Variants in WWP1 observed in about 807,000 individuals in gnomAD.
The protein encoded by WWP1 is WW domain containing E3 ubiquitin protein ligase 1, also known as NEDD4-like E3 ubiquitin-protein ligase WWP1.
WWP1 carries 49 observed loss-of-function variants against 130.6 expected under a neutral mutation model. The observed-to-expected ratio is 0.38, with a 90% CI of 0.30 to 0.48. The LOEUF (loss-of-function observed/expected upper bound fraction) is 0.48, where lower values mean the gene tolerates loss of function less well. WWP1 is among the 20% of genes least tolerant of loss of function. The probability of loss-of-function intolerance (pLI) is 0.99; values close to 1 mark genes in which losing one functional copy is unlikely to be tolerated. For missense variants in WWP1, 809 were observed against 1,100.6 expected (o/e 0.74, Z 3.75); for synonymous variants, 332 against 367.8 (o/e 0.90, Z 1.11).
intron 1 of WWP1, among the ~76,000 whole-genome samples, chr8:86,352,856 A>C (rs2130124539): frequency 6.6e-6 from 1 of 152,364 alleles, no homozygotes; most frequent in South Asian, 2.1e-4. Context: ...AGAGATGTCC[A>C]TTAGGCTTCC....
At chr8:86,459,462 A>G (rs73273117) in intron 22 of WWP1, among the ~76,000 whole-genome samples, 6,136 of 152,254 alleles carry the variant, frequency 0.04, 182 homozygotes, top group African/African-American at 0.069. Flanking sequence ...TTAAAAAGTT[A>G]TTGTCTGTAT....
Position 86,461,255 on chromosome 8 carries a change from T to C in WWP1, c.2531T>C (p.Met844Thr), listed in dbSNP as rs954212268. 3 of 1,614,188 alleles carry C rather than the reference T, an allele frequency of 1.9e-6. No individual in the cohort carries two copies. Among genetic ancestry groups the C allele is most frequent in the Non-Finnish European group, 2.5e-6 (3 of 1,180,014 alleles). ...AAAGAGACAGACAATGAAGTAAGAATGCGACTATTGCAGTTCGTCACTGGA... is the reference window on the plus strand; with the variant it reads ...AAAGAGACAGACAATGAAGTAAGAACGCGACTATTGCAGTTCGTCACTGGA... ...FVKETDNEVR[M>T]RLLQFVTGTC... is the part of the protein sequence containing the mutation. Residue 844 changes from methionine (M) to threonine (T), a missense_variant, in exon 23 of 25, where the codon ATG (methionine) becomes ACG (threonine). Around this residue, in one of 3 missense-constraint regions of WWP1, gnomAD observed 450 missense variants for 674.2 expected, o/e 0.67. Coordinates refer to ENST00000517970, the MANE Select transcript of WWP1 (RefSeq NM_007013.4).
chr8:86,380,691 A>C (rs1824934204), intron 3 of WWP1, 35 bp from the exon 4 acceptor site: 1 of 1,577,258 alleles, frequency 6.3e-7, no homozygotes, highest in African/African-American at 1.4e-5. Flanking sequence ...ACTTTTTGGC[A>C]ACACATACTC....
In WWP1 at chr8:86,431,701, GAACAAC is replaced by G; in HGVS notation, c.1564_1569del (p.Thr522_Thr523del). ...AGGTACTTTGTTGATCATAACACAA[GAACAAC>G]AACATTCAAAGATCCTCGCAATGGG... On this transcript the variant is annotated inframe_deletion, in exon 14 of 25. Transcript: ENST00000517970. The G allele has an allele frequency of 6.2e-7, 1 of 1,613,956 alleles. No individual in the cohort carries two copies.
At chr8:86,451,310 G>A (rs1357037590) in intron 20 of WWP1, among the ~76,000 whole-genome samples, 1 of 143,552 alleles carries the variant, frequency 7.0e-6, no homozygotes, top group Non-Finnish European at 1.5e-5. Context: ...AACAGCAAGA[G>A]CAGAATTGAC....
chr8:86,408,092 C>T (rs757778230), intron 8 of WWP1, among the ~76,000 whole-genome samples: 7 of 152,150 alleles, frequency 4.6e-5, no homozygotes, highest in Non-Finnish European at 1.0e-4. Flanking sequence ...TTTTTAAATA[C>T]TGGCTCTATA....
intron 12 of WWP1, 42 bp from the exon 13 acceptor site, chr8:86,431,364 T>C (rs1809966461): frequency 3.7e-6 from 4 of 1,086,666 alleles, no homozygotes; most frequent in Non-Finnish European, 5.1e-6. Flanking sequence ...TATATATAGA[T>C]CCTAAATAGT....
chr8:86,356,741 C>CA (rs1823280423), intron 1 of WWP1, among the ~76,000 whole-genome samples: 1 of 152,124 alleles, frequency 6.6e-6, no homozygotes, highest in African/African-American at 2.4e-5. Flanking sequence ...TTCTAGTAAA[C>CA]ATAGTAACTG....
intron 3 of WWP1, among the ~76,000 whole-genome samples, chr8:86,376,391 A>G (rs1467654593): frequency 6.6e-6 from 1 of 152,150 alleles, no homozygotes; most frequent in East Asian, 1.9e-4. Context: ...CAACATGGTG[A>G]AACCCCATCT....
intron 1 of WWP1, among the ~76,000 whole-genome samples, chr8:86,344,758 G>GTATC (rs1822468830): frequency 6.8e-6 from 1 of 147,678 alleles, no homozygotes; most frequent in South Asian, 2.2e-4. Context: ...TAGCAGAGAG[G>GTATC]TATCTCTAAG....
chr8:86,403,829 A>G (rs1180261660), intron 8 of WWP1, among the ~76,000 whole-genome samples: 1 of 152,166 alleles, frequency 6.6e-6, no homozygotes, highest in Non-Finnish European at 1.5e-5. Context: ...AGGTGGCTAG[A>G]AAACAAAGAG....
At chr8:86,371,525 T>G (rs1402346773) in intron 2 of WWP1, among the ~76,000 whole-genome samples, 2 of 152,240 alleles carry the variant, frequency 1.3e-5, no homozygotes, top group Non-Finnish European at 2.9e-5. Flanking sequence ...TTCCTAGTTT[T>G]TACCATTCTA....
intron 9 of WWP1, among the ~76,000 whole-genome samples, chr8:86,422,181 C>A (rs1809254214): frequency 6.6e-6 from 1 of 152,068 alleles, no homozygotes; most frequent in African/African-American, 2.4e-5. Flanking sequence ...ACATTGTCAG[C>A]ACCCCAGGAA....
In WWP1 at chr8:86,384,876, C is replaced by G. The variant is rs138835727; in HGVS notation, c.334+3247C>G. ...AATTAGCCAGGCTTTATCAAAGATA[C>G]AAAAAATTAGCCAGGCATGTGCCTG... On this transcript the variant is annotated intron_variant, in intron 5 of 24. Coordinates refer to ENST00000517970, the MANE Select transcript of WWP1 (RefSeq NM_007013.4). Among the ~76,000 whole-genome samples, 869 of 151,956 alleles carry G rather than the reference C, an allele frequency of 5.7e-3. 1 individual carries two copies. The highest frequency in any genetic ancestry group is 0.014 in the Middle Eastern group (4 of 294).
intron 2 of WWP1, among the ~76,000 whole-genome samples, chr8:86,370,818 A>G (rs1376705836): frequency 7.3e-6 from 1 of 137,418 alleles, no homozygotes; most frequent in Non-Finnish European, 1.6e-5. Context: ...TCTTTTTCTT[A>G]GATATATTCA....
At chr8:86,392,542 AAT>A (rs1807409458) in intron 5 of WWP1, among the ~76,000 whole-genome samples, 1 of 152,186 alleles carries the variant, frequency 6.6e-6, no homozygotes, top group Non-Finnish European at 1.5e-5. Context: ...ATTCGAAGTA[AAT>A]TATGTCCAAA....
intron 11 of WWP1, 67 bp from the exon 12 acceptor site, chr8:86,430,630 G>A: frequency 7.7e-7 from 1 of 1,305,632 alleles, no homozygotes; most frequent in Admixed American, 2.1e-5. Context: ...CACATGCTTG[G>A]CTTATTTCTA....
intron 5 of WWP1, among the ~76,000 whole-genome samples, chr8:86,391,509 AG>A (rs1427131164): frequency 7.5e-6 from 1 of 132,702 alleles, no homozygotes; most frequent in African/African-American, 2.5e-5. Flanking sequence ...TAAACTACAT[AG>A]GAAAAAAAAA....
rs1057372291 is a variant in WWP1, at chr8:86,390,680, C to T, written c.335-7662C>T. Among the ~76,000 whole-genome samples, 20 of 126,730 alleles carry T rather than the reference C, an allele frequency of 1.6e-4. No individual in the cohort carries two copies. In the South Asian group the frequency reaches 1.7e-3, roughly 11 times the overall value. The allele number at this position is 126,730 out of a possible 152,430, so 83.1% of individuals were successfully genotyped here. A position where few individuals can be genotyped will look rare whatever the true frequency, so the allele number is the denominator to read the frequency against. ...CCTCGGCTCAGCATCAGAGGGAGAC[C>T]GTGGAAAGTGGGAGACGAGAGGGAG... On this transcript the variant is annotated intron_variant, in intron 5 of 24. Transcript: ENST00000517970.
Sources: allele counts gnomAD v4.1 joint callset (sites outside exome capture counted in the v4.1 genomes callset), GRCh38; gene constraint gnomAD v4.1.1; regional missense constraint gnomAD v4.1.1; transcripts MANE v1.5; gene names NCBI Gene and HGNC (gene_info 2026-07-23, HGNC 2026-07-21).